The following ATRNL1 variants were observed in gnomAD, a reference collection of about 807,000 sequenced individuals.
ATRNL1 encodes attractin like 1.
Under a neutral mutation model 182.7 loss-of-function variants are expected in ATRNL1, and 95 were observed. The observed-to-expected ratio is 0.52, with a 90% confidence interval of 0.44 to 0.62. The LOEUF (loss-of-function observed/expected upper bound fraction) is 0.62. ATRNL1 is among the 20% of genes least tolerant of loss of function. ATRNL1 has a pLI of 0.00. For missense variants in ATRNL1, 1,471 were observed against 1,679.5 expected, an observed-to-expected ratio of 0.88 and a Z score of 2.17; for synonymous variants, 576 against 568.3, an observed-to-expected ratio of 1.01 and a Z score of -0.19.
At chr10:115,261,567 C>T (rs1554908839) in intron 10 of ATRNL1, among the ~76,000 whole-genome samples, 2 of 152,026 alleles carry the variant, frequency 1.3e-5, no homozygotes, top group African/African-American at 4.8e-5. Flanking sequence ...GAAATGTACA[C>T]ATCTGGCAAA....
At chr10:115,692,258 G>T (rs1555048451) in intron 26 of ATRNL1, among the ~76,000 whole-genome samples, 1 of 152,092 alleles carries the variant, frequency 6.6e-6, no homozygotes, top group African/African-American at 2.4e-5. Context: ...GTGCCTGATG[G>T]GACCCTATTG....
chr10:115,551,913 G>C (rs1480989462), intron 26 of ATRNL1, among the ~76,000 whole-genome samples: 2 of 151,054 alleles, frequency 1.3e-5, no homozygotes, highest in African/African-American at 2.4e-5. Context: ...GGAAGTGACA[G>C]AGAGAGAGAG....
chr10:115,238,461 A>G (rs1850275903), intron 9 of ATRNL1, among the ~76,000 whole-genome samples: 1 of 151,974 alleles, frequency 6.6e-6, no homozygotes, highest in Non-Finnish European at 1.5e-5. Flanking sequence ...TCTTGTACAT[A>G]TTTTGTTAGG....
At chr10:115,715,102 A>C (rs1422844937) in intron 26 of ATRNL1, among the ~76,000 whole-genome samples, 1 of 152,210 alleles carries the variant, frequency 6.6e-6, no homozygotes, top group Non-Finnish European at 1.5e-5. Flanking sequence ...GGGCTGACTA[A>C]GTAAGAAATA....
chr10:115,252,626 A>C (rs1313661029), intron 10 of ATRNL1, among the ~76,000 whole-genome samples: 1 of 152,178 alleles, frequency 6.6e-6, no homozygotes, highest in Non-Finnish European at 1.5e-5. Flanking sequence ...AGGAGCATCA[A>C]CTTCTGATAT....
chr10:115,737,275 C>CCA (rs1452150458), intron 27 of ATRNL1, among the ~76,000 whole-genome samples: 3 of 150,124 alleles, frequency 2.0e-5, no homozygotes, highest in African/African-American at 7.4e-5. Context: ...AACATCCCCC[C>CCA]CCCCCAAAAA....
chr10:115,944,509 TA>T, intron 28 of ATRNL1, 148 bp from the exon 29 acceptor site: 1 of 554,598 alleles, frequency 1.8e-6, no homozygotes, highest in Non-Finnish European at 3.0e-6. Context: ...ACATTTTAGG[TA>T]AAGGGCAAAC....
At chr10:115,628,540 C>T (rs748836941) in intron 26 of ATRNL1, among the ~76,000 whole-genome samples, 5 of 152,012 alleles carry the variant, frequency 3.3e-5, no homozygotes, top group Non-Finnish European at 7.4e-5. Context: ...TTTTCATTTT[C>T]TTTAAAATAT....
intron 28 of ATRNL1, among the ~76,000 whole-genome samples, chr10:115,885,524 A>C (rs1418655943): frequency 4.6e-5 from 7 of 152,388 alleles, no homozygotes; most frequent in Admixed American, 1.3e-4. Flanking sequence ...TCTTTTAAAA[A>C]AATAATGTTT....
At chr10:115,291,725 G>A (rs183158678) in intron 15 of ATRNL1, among the ~76,000 whole-genome samples, 24 of 149,588 alleles carry the variant, frequency 1.6e-4, no homozygotes, top group African/African-American at 5.7e-4. Flanking sequence ...GTCATGGTGT[G>A]TATTGTTCTG....
At chr10:115,217,986 C>G (rs781810763) in intron 9 of ATRNL1, among the ~76,000 whole-genome samples, 17 of 151,946 alleles carry the variant, frequency 1.1e-4, no homozygotes, top group Non-Finnish European at 1.9e-4. Flanking sequence ...GCACCAGGGA[C>G]TGGTTTTGTG....
intron 28 of ATRNL1, among the ~76,000 whole-genome samples, chr10:115,942,776 T>C (rs1953767866): frequency 6.6e-6 from 1 of 152,218 alleles, no homozygotes; most frequent in Non-Finnish European, 1.5e-5. Context: ...TGTGGCCTTT[T>C]CTTAAGCAAG....
chr10:115,533,969 C>G (rs1467786036), intron 25 of ATRNL1, among the ~76,000 whole-genome samples: 1 of 145,664 alleles, frequency 6.9e-6, no homozygotes, highest in Non-Finnish European at 1.5e-5. Flanking sequence ...GTCTGAGAGA[C>G]AGTTTGTTAT....
chr10:115,387,706 T>C (rs1196971679), intron 19 of ATRNL1, among the ~76,000 whole-genome samples: 1 of 152,224 alleles, frequency 6.6e-6, no homozygotes, highest in Non-Finnish European at 1.5e-5. Flanking sequence ...CTTTTGTGTT[T>C]GGCTTTTTTT....
At chr10:115,570,735 G>A (rs146440351) in intron 26 of ATRNL1, among the ~76,000 whole-genome samples, 31 of 152,270 alleles carry the variant, frequency 2.0e-4, no homozygotes, top group Admixed American at 5.2e-4. Context: ...TATACTGACA[G>A]TTGTTTTTCT....
chr10:115,140,474 G>A (rs1392990205), intron 5 of ATRNL1, among the ~76,000 whole-genome samples: 1 of 152,194 alleles, frequency 6.6e-6, no homozygotes, highest in Non-Finnish European at 1.5e-5. Flanking sequence ...GACAGGTTAA[G>A]AGACAAACCA....
At chr10:115,738,120 A>C (rs1472534790) in intron 27 of ATRNL1, among the ~76,000 whole-genome samples, 1 of 82,330 alleles carries the variant, frequency 1.2e-5, no homozygotes. Flanking sequence ...GATTTAGAAG[A>C]TAATGATTTT....
At chr10:115,283,113 C>G (rs1186265592) in intron 14 of ATRNL1, among the ~76,000 whole-genome samples, 5 of 151,986 alleles carry the variant, frequency 3.3e-5, no homozygotes, top group Admixed American at 3.3e-4. Flanking sequence ...AATTATTCTG[C>G]CTTTAAAAAT....
At chr10:115,109,328 G>T (rs1298942842) in intron 1 of ATRNL1, among the ~76,000 whole-genome samples, 1 of 152,112 alleles carries the variant, frequency 6.6e-6, no homozygotes, top group Non-Finnish European at 1.5e-5. Flanking sequence ...GATTTATAAT[G>T]AATAAAAATT....
Sources: gnomAD v4.1 joint callset for allele counts (sites outside exome capture counted in the v4.1 genomes callset) on GRCh38, gnomAD v4.1.1 for gene constraint, MANE v1.5 for transcripts, NCBI Gene and HGNC (gene_info 2026-07-23, HGNC 2026-07-21) for gene names.